UNC79: variants seen among roughly 807,000 people sequenced by gnomAD.
UNC79 encodes protein unc-79 homolog.
UNC79 carries 37 observed loss-of-function variants against 283.1 expected under a neutral mutation model. The observed-to-expected ratio is 0.13, with a 90% confidence interval of 0.10 to 0.17. The LOEUF is 0.17. Among genes scored for constraint, UNC79 ranks in the 10% least tolerant of loss-of-function variants. The pLI is 1.00. For synonymous variants in UNC79, 1,107 were observed against 1,200.2 expected (o/e 0.92, Z 1.61); for missense variants, 2,272 against 3,211.1 (o/e 0.71, Z 7.07).
intron 1 of UNC79, among the ~76,000 whole-genome samples, chr14:93,454,433 G>C (rs889296241): frequency 1.1e-5 from 1 of 92,574 alleles, no homozygotes; most frequent in African/African-American, 3.3e-5. Context: ...GTATAGATGT[G>C]TGTATGTGTA....
intron 30 of UNC79, among the ~76,000 whole-genome samples, chr14:93,628,518 A>C (rs1394891545): frequency 6.6e-6 from 1 of 152,162 alleles, no homozygotes; most frequent in African/African-American, 2.4e-5. Context: ...AACATACAAT[A>C]ATTTATTCAC....
intron 1 of UNC79, among the ~76,000 whole-genome samples, chr14:93,339,308 CTTTTT>C (rs200649599): frequency 6.6e-6 from 1 of 150,708 alleles, no homozygotes; most frequent in Non-Finnish European, 1.5e-5. Context: ...CTTTATTTTT[CTTTTT>C]TTTTGAGACA....
intron 7 of UNC79, among the ~76,000 whole-genome samples, chr14:93,511,943 A>G (rs1344798248): frequency 6.6e-6 from 1 of 151,932 alleles, no homozygotes; most frequent in East Asian, 1.9e-4. Context: ...GTTTATTTCC[A>G]ACATTAATTT....
intron 10 of UNC79, among the ~76,000 whole-genome samples, chr14:93,530,272 A>T (rs1389232067): frequency 6.6e-6 from 1 of 152,078 alleles, no homozygotes; most frequent in Non-Finnish European, 1.5e-5. Context: ...TTGAAAATTT[A>T]CATAAAAATA....
At chr14:93,471,250 G>C (rs560603966) in intron 2 of UNC79, among the ~76,000 whole-genome samples, 169 of 152,268 alleles carry the variant, frequency 1.1e-3, no homozygotes, top group African/African-American at 4.0e-3. Context: ...TAAGTACATA[G>C]ATTCAACTCA....
intron 14 of UNC79, among the ~76,000 whole-genome samples, chr14:93,563,563 CA>C (rs1449414305): frequency 7.9e-5 from 12 of 152,052 alleles, no homozygotes; most frequent in South Asian, 2.1e-4. Context: ...AGAGGTAGTG[CA>C]GCGGGGGCAG....
intron 14 of UNC79, among the ~76,000 whole-genome samples, chr14:93,554,804 C>T (rs989443972): frequency 2.0e-5 from 3 of 152,224 alleles, no homozygotes; most frequent in Non-Finnish European, 4.4e-5. Context: ...TAAACAACCT[C>T]TAAATTAGGC....
chr14:93,618,372 A>G lies in UNC79; in HGVS notation c.4387+18A>G. ...AGAAAAAGGTACATATCTAAATTCTATCCCAAACCTAGCTTCAATACATAA... is the reference window on the plus strand; with the variant it reads ...AGAAAAAGGTACATATCTAAATTCTGTCCCAAACCTAGCTTCAATACATAA... On this transcript the variant is annotated intron_variant, in intron 29 of 48. Coordinates refer to ENST00000555664, the Ensembl canonical transcript of UNC79. 6.3e-7 allele frequency: 1 copy of G among 1,594,594 alleles called. No homozygotes were observed. The highest frequency in any genetic ancestry group is 8.5e-7 in the Non-Finnish European group (1 of 1,172,440).
In UNC79 at chr14:93,690,251, A is replaced by G. The variant is rs2074579339; in HGVS notation, c.7220A>G (p.His2407Arg). The G allele has an allele frequency of 6.2e-7, 1 of 1,613,968 alleles. No individual in the cohort carries two copies. Among genetic ancestry groups the G allele is most frequent in the Admixed American group, 1.7e-5 (1 of 59,992 alleles). The change falls in exon 45 of 49, where the codon CAC (histidine) becomes CGC (arginine). Residue 2407 changes from histidine to arginine, a missense_variant. Physicochemically the swap from His to Arg is conservative, Grantham distance 29. Coordinates refer to ENST00000555664, the Ensembl canonical transcript of UNC79. The surrounding 1 kb of genome is among the most constrained non-coding windows in gnomAD (Gnocchi z 4.3). ...CCCATTCCTCTGGATGCAGGCTCCC[A>G]CGTTGCAGACCATCTTATTGTTATC...
chr14:93,572,013 G>A (rs1216334496), exon 15 of UNC79: 1 of 1,614,184 alleles, frequency 6.2e-7, no homozygotes, highest in Non-Finnish European at 8.5e-7. Flanking sequence ...AGTGTATTAT[G>A]CCGGAATGGC....
intron 7 of UNC79, 52 bp downstream of exon 7, chr14:93,497,338 A>G (rs771097429): frequency 1.3e-6 from 2 of 1,581,460 alleles, no homozygotes; most frequent in Admixed American, 1.8e-5. Context: ...CCTGTGCCAC[A>G]CTGGCCTCAC....
intron 3 of UNC79, among the ~76,000 whole-genome samples, chr14:93,476,647 T>C (rs1371840267): frequency 6.6e-6 from 1 of 152,196 alleles, no homozygotes; most frequent in Non-Finnish European, 1.5e-5. Context: ...CTAGTACTTT[T>C]CTGTTATAAT....
intron 40 of UNC79, among the ~76,000 whole-genome samples, chr14:93,664,153 C>A (rs2071907837): frequency 6.6e-6 from 1 of 152,054 alleles, no homozygotes; most frequent in African/African-American, 2.4e-5. Flanking sequence ...TAATGAGAAA[C>A]TATAAGAAAT....
intron 15 of UNC79, among the ~76,000 whole-genome samples, chr14:93,572,299 G>A (rs979907991): frequency 5.3e-5 from 8 of 152,160 alleles, no homozygotes; most frequent in Admixed American, 1.3e-4. Flanking sequence ...TGTTCTTGTG[G>A]AATAGTAAAT....
At chr14:93,518,484 T>G (rs1311031823) in intron 7 of UNC79, among the ~76,000 whole-genome samples, 1 of 110,092 alleles carries the variant, frequency 9.1e-6, no homozygotes. Context: ...ATCAAGTTTT[T>G]GGGACTTTTC....
At chr14:93,565,731 C>T (rs2062838850) in intron 14 of UNC79, among the ~76,000 whole-genome samples, 1 of 152,172 alleles carries the variant, frequency 6.6e-6, no homozygotes, top group African/African-American at 2.4e-5. Context: ...AGTCCACAGG[C>T]TTCCCTTCCC....
At chr14:93,655,158 A>C (rs2070782627) in intron 37 of UNC79, 76 bp from the exon 41 acceptor site, 2 of 1,530,234 alleles carry the variant, frequency 1.3e-6, no homozygotes, top group Admixed American at 1.8e-5. Flanking sequence ...TGACTTTTAA[A>C]CTGACATTTA....
intron 7 of UNC79, among the ~76,000 whole-genome samples, chr14:93,515,262 A>G (rs1567034485): frequency 2.2e-5 from 1 of 46,368 alleles, no homozygotes; most frequent in Non-Finnish European, 4.5e-5. Context: ...GTCCATATGT[A>G]TATGTGTGTG....
Position 93,538,237 on chromosome 14 carries a change from G to A in UNC79, c.1352+19G>A, listed in dbSNP as rs1355429526. On this transcript the variant is annotated intron_variant, in intron 12 of 48. Coordinates refer to ENST00000555664, the Ensembl canonical transcript of UNC79. ...TGATCAGGTAACACGCAGTTTCTTA[G>A]TAGCTGCCTCTGACAACTCCACCTT... 6.5e-7 allele frequency: 1 copy of A among 1,533,530 alleles called. No homozygotes were observed. Among genetic ancestry groups the A allele is most frequent in the African/African-American group, 1.4e-5 (1 of 72,944 alleles). 95.0% of individuals were successfully genotyped at this position (1,533,530 alleles called of 1,614,324 possible).
Sources: allele counts gnomAD v4.1 joint callset (sites outside exome capture counted in the v4.1 genomes callset), GRCh38; gene constraint gnomAD v4.1.1; non-coding constraint Gnocchi (gnomAD v3.1); transcripts MANE v1.5; gene names NCBI Gene and HGNC (gene_info 2026-07-23, HGNC 2026-07-21).